Variants in DAW1 observed in about 807,000 individuals in gnomAD.
DAW1 encodes dynein assembly factor with WD repeats 1.
Under a neutral mutation model 56.5 loss-of-function variants are expected in DAW1, and 47 were observed. The ratio of observed to expected loss-of-function variants is 0.83; its 90% CI spans 0.66 to 1.06. The LOEUF is 1.06. DAW1 is among the 50% of genes least tolerant of loss of function. DAW1 has a pLI of 0.00. For synonymous variants in DAW1, 190 were observed against 179.0 expected (o/e 1.06, Z -0.49); for missense variants, 505 against 499.3 (o/e 1.01, Z -0.11).
intron 10 of DAW1, 138 bp downstream of exon 10, chr2:227,907,390 T>A: frequency 1.5e-6 from 1 of 650,976 alleles, no homozygotes; most frequent in East Asian, 2.8e-5. Context: ...ATCGTGACCA[T>A]GTATGGCACA....
In DAW1 at chr2:227,905,956, G is replaced by A. The variant is rs532892281; in HGVS notation, c.756-280G>A. On this transcript the variant is annotated intron_variant, in intron 8 of 12. Coordinates refer to ENST00000309931, the MANE Select transcript of DAW1 (RefSeq NM_178821.3). ...TTTTTAGTAGAGACGGGGCTTCACTGTGTTAGCCAGGATGGTCTCTATCTC... is the reference window on the plus strand; with the variant it reads ...TTTTTAGTAGAGACGGGGCTTCACTATGTTAGCCAGGATGGTCTCTATCTC... Among the ~76,000 whole-genome samples the A allele has an allele frequency of 1.2e-4, 18 of 152,228 alleles. No homozygotes were observed. The East Asian group carries it at 3.3e-3, about 28-fold the overall frequency.
chr2:227,921,366 A>T, intron 11 of DAW1, 33 bp from the exon 12 acceptor site: 1 of 1,424,488 alleles, frequency 7.0e-7, no homozygotes, highest in South Asian at 1.3e-5. Context: ...ACCATTACAC[A>T]AAGCTGTGAT....
At chr2:227,880,170 A>G (rs1690975135) in intron 1 of DAW1, among the ~76,000 whole-genome samples, 1 of 152,138 alleles carries the variant, frequency 6.6e-6, no homozygotes, top group Non-Finnish European at 1.5e-5. Flanking sequence ...TTTCTTTGCA[A>G]TTAAATGTGG....
chr2:227,873,026 G>T (rs1350363056), intron 1 of DAW1, among the ~76,000 whole-genome samples: 1 of 152,168 alleles, frequency 6.6e-6, no homozygotes, highest in Non-Finnish European at 1.5e-5. Context: ...ATTCTGTGCT[G>T]CTGACTTCTA....
At chr2:227,889,624 T>C (rs1399169920) in intron 2 of DAW1, 4 of 350,256 alleles carry the variant, frequency 1.1e-5, no homozygotes, top group African/African-American at 8.5e-5. Flanking sequence ...GCCTTAGCTT[T>C]GGAAAAATAT....
At chr2:227,879,000 G>A (rs1469046910) in intron 1 of DAW1, among the ~76,000 whole-genome samples, 1 of 151,878 alleles carries the variant, frequency 6.6e-6, no homozygotes, top group Non-Finnish European at 1.5e-5. Context: ...TTGCCAGGCT[G>A]GTCTTGAACT....
At chr2:227,887,512 A>G (rs1465152015) in intron 2 of DAW1, 1 of 152,248 alleles carries the variant, frequency 6.6e-6, no homozygotes, top group African/African-American at 2.4e-5. Context: ...TTGAGAAACA[A>G]CTTGTACAAC....
chr2:227,901,580 A>C (rs1280395911), intron 6 of DAW1, among the ~76,000 whole-genome samples: 1 of 152,184 alleles, frequency 6.6e-6, no homozygotes, highest in Non-Finnish European at 1.5e-5. Context: ...AAATGATACA[A>C]AAAGAAAAAA....
intron 2 of DAW1, among the ~76,000 whole-genome samples, chr2:227,886,347 T>G (rs980532495): frequency 2.0e-5 from 3 of 152,150 alleles, no homozygotes; most frequent in Non-Finnish European, 4.4e-5. Flanking sequence ...CTGGGCGTGG[T>G]TGCTCACACT....
At chr2:227,905,166 T>C in intron 8 of DAW1, 131 bp downstream of exon 8, 2 of 570,314 alleles carry the variant, frequency 3.5e-6, no homozygotes, top group Non-Finnish European at 2.9e-6. Flanking sequence ...ATATTGAAAA[T>C]GTAAATTAAT....
At chr2:227,918,167 TCCATCATC>T (rs1259045023) in intron 10 of DAW1, among the ~76,000 whole-genome samples, 16 of 99,744 alleles carry the variant, frequency 1.6e-4, no homozygotes, top group African/African-American at 4.6e-4. Context: ...CATCCATCCA[TCCATCATC>T]CATCCATCCA....
chr2:227,894,914 T>C (rs1691371462), intron 5 of DAW1, among the ~76,000 whole-genome samples: 1 of 152,252 alleles, frequency 6.6e-6, no homozygotes, highest in Non-Finnish European at 1.5e-5. Flanking sequence ...GTACTTTCAA[T>C]TGTAATTGTG....
At chr2:227,893,124 TAGAC>T (rs1691312271) in intron 4 of DAW1, among the ~76,000 whole-genome samples, 1 of 150,694 alleles carries the variant, frequency 6.6e-6, no homozygotes, top group South Asian at 2.1e-4. Flanking sequence ...AAAAAAAAAT[TAGAC>T]AGGCATGGTG....
At chr2:227,877,278 G>A (rs1026036626) in intron 1 of DAW1, among the ~76,000 whole-genome samples, 9 of 152,144 alleles carry the variant, frequency 5.9e-5, no homozygotes, top group Non-Finnish European at 1.3e-4. Flanking sequence ...TCTGTCTCCC[G>A]AGTAGCTGAG....
At chr2:227,902,871 A>G in intron 6 of DAW1, 131 bp from the exon 7 acceptor site, 1 of 890,184 alleles carries the variant, frequency 1.1e-6, no homozygotes, top group Non-Finnish European at 1.7e-6. Flanking sequence ...AGCAGGTCAC[A>G]CATACGTGGG....
intron 6 of DAW1, among the ~76,000 whole-genome samples, chr2:227,901,403 T>C (rs1022364771): frequency 1.3e-5 from 2 of 152,132 alleles, no homozygotes; most frequent in Admixed American, 1.3e-4. Flanking sequence ...GTTGGCTCTT[T>C]GGGACTGGAA....
intron 1 of DAW1, among the ~76,000 whole-genome samples, chr2:227,883,780 T>C (rs1272501421): frequency 6.6e-6 from 1 of 152,224 alleles, no homozygotes; most frequent in Admixed American, 6.5e-5. Context: ...CTCTTCTTAC[T>C]CTTTTTAGGG....
At chr2:227,873,046 T>C (rs1690793617) in intron 1 of DAW1, among the ~76,000 whole-genome samples, 1 of 152,200 alleles carries the variant, frequency 6.6e-6, no homozygotes, top group Non-Finnish European at 1.5e-5. Context: ...AAAACTTCAC[T>C]TGTCTACCCT....
chr2:227,898,212 A>G lies in DAW1; in HGVS notation c.471A>G (p.Lys157=), dbSNP rs1691458637. ...GDKIATGSFD[K]TCKLWSVETG... ...AAATCGCCACTGGGTCCTTTGATAAAACTTGTAAACTCTGGAGTGTGGAAA... is the reference window on the plus strand; with the variant it reads ...AAATCGCCACTGGGTCCTTTGATAAGACTTGTAAACTCTGGAGTGTGGAAA... Residue 157 remains lysine (K), a synonymous_variant, in exon 6 of 13, where the codon AAA becomes AAG. Transcript: ENST00000309931. 2 of 1,574,784 alleles carry G rather than the reference A, an allele frequency of 1.3e-6. No individual in the cohort carries two copies. The highest frequency in any genetic ancestry group is 1.2e-5 in the South Asian group (1 of 82,120).
Sources: gnomAD v4.1 joint callset for allele counts (sites outside exome capture counted in the v4.1 genomes callset) on GRCh38, gnomAD v4.1.1 for gene constraint, MANE v1.5 for transcripts, NCBI Gene and HGNC (gene_info 2026-07-23, HGNC 2026-07-21) for gene names.